The following PELI3 variants were observed in gnomAD, a reference collection of about 807,000 sequenced individuals.
The protein encoded by PELI3 is E3 ubiquitin-protein ligase pellino homolog 3.
A neutral mutation model predicts 35.5 loss-of-function variants in PELI3; 19 were observed. The observed-to-expected ratio is 0.54, with a 90% CI of 0.37 to 0.79. PELI3 has a LOEUF of 0.79. Ranked by LOEUF, PELI3 falls within the 30% of genes least tolerant of loss-of-function variation. The pLI is 0.00. For missense variants in PELI3, 490 were observed against 661.2 expected (o/e 0.74, Z 2.84); for synonymous variants, 262 against 279.2 (o/e 0.94, Z 0.62).
intron 7 of PELI3, chr11:66,474,512 C>G (rs1428906640): frequency 5.4e-6 from 1 of 184,236 alleles, no homozygotes; most frequent in Non-Finnish European, 1.1e-5. Context: ...ACTGGCCATG[C>G]ACTGCTCTTC....
rs1019550153 is a variant in PELI3 at position 66,467,715 on chromosome 11, A to G, written c.-1-413A>G. 1.3e-5 allele frequency among the ~76,000 whole-genome samples: 2 copies of G among 152,202 alleles called. No homozygotes were observed. Among genetic ancestry groups the G allele is most frequent in the Admixed American group, 6.5e-5 (1 of 15,294 alleles). On this transcript the variant is annotated intron_variant, in intron 1 of 7. Transcript: ENST00000320740. The surrounding 1 kb of genome is among the most constrained non-coding windows in gnomAD (Gnocchi z 4.2). Reference sequence around the variant, plus strand: ...GCAAGAAAGATTCAGATGGACAGGTAGATTCAAAGAACCTGTCAGAGAGGC... The same window carrying G: ...GCAAGAAAGATTCAGATGGACAGGTGGATTCAAAGAACCTGTCAGAGAGGC...
In PELI3 at chr11:66,476,476, G is replaced by T; in HGVS notation, c.*309G>T. The T allele has an allele frequency of 2.4e-6, 1 of 415,516 alleles. No individual in the cohort carries two copies. The highest frequency in any genetic ancestry group is 4.4e-6 in the Non-Finnish European group (1 of 229,642). 25.7% of individuals were successfully genotyped at this position (415,516 alleles called of 1,614,324 possible). A position where few individuals can be genotyped will look rare whatever the true frequency, so the allele number is the denominator to read the frequency against. ...TGCCGCCGACACTGTGTGCCCCTGG[G>T]GGAGTGAAGGGGCCAGGGGCCTTTG... is the stretch of plus-strand genomic sequence containing the variant. On this transcript the variant is annotated 3_prime_UTR_variant, in exon 8 of 8. Transcript: ENST00000320740.
Position 66,467,200 on chromosome 11 carries a change from C to T in PELI3, c.-2+173C>T, listed in dbSNP as rs1854562677. On this transcript the variant is annotated intron_variant, in intron 1 of 7. Coordinates refer to ENST00000320740, the MANE Select transcript of PELI3 (RefSeq NM_145065.3). This position sits in a 1 kb window ranked among gnomAD's most constrained non-coding sequence, Gnocchi z 4.2. ...TCGCGGGTGCGGGTGGTCTCTGCGC[C>T]GTCCGGGCCCGGGGCGTGCGGGGCC... 6.7e-6 allele frequency among the ~76,000 whole-genome samples: 1 copy of T among 150,190 alleles called. No individual in the cohort carries two copies. The highest frequency in any genetic ancestry group is 2.4e-5 in the African/African-American group (1 of 41,120).
intron 5 of PELI3, 124 bp downstream of exon 5, chr11:66,472,594 A>G: frequency 1.3e-6 from 1 of 748,354 alleles, no homozygotes; most frequent in South Asian, 1.7e-5. Context: ...AGGAAGCAGG[A>G]TGTCCCGGTG....
Position 66,474,144 on chromosome 11 carries a change from C to G in PELI3, c.840+219C>G, listed in dbSNP as rs1854821700. On this transcript the variant is annotated intron_variant, in intron 7 of 7. Coordinates refer to ENST00000320740, the MANE Select transcript of PELI3 (RefSeq NM_145065.3). ...GGGTCCCCAAGCATAGCATGCATAC[C>G]ACTGGAGGTCCAGGGGGTGATGCGA... The G allele has an allele frequency of 5.7e-6, 4 of 701,004 alleles. No homozygotes were observed. The Admixed American group carries it at 6.8e-5, about 12-fold the overall frequency. The allele number at this position is 701,004 out of a possible 1,614,324, so 43.4% of individuals were successfully genotyped here.
intron 3 of PELI3, among the ~76,000 whole-genome samples, chr11:66,469,882 C>T (rs1041003618): frequency 6.7e-6 from 1 of 148,868 alleles, no homozygotes; most frequent in African/African-American, 2.5e-5. Context: ...TCACTGCAAC[C>T]TCCACCTCCT....
At chr11:66,475,422 G>T (rs1227352641) in intron 7 of PELI3, 176 bp from the exon 8 acceptor site, 5 of 605,858 alleles carry the variant, frequency 8.3e-6, no homozygotes, top group Admixed American at 3.3e-5. Flanking sequence ...TGGGAGGGGG[G>T]ATCAGCATGT....
intron 3 of PELI3, among the ~76,000 whole-genome samples, chr11:66,469,791 G>GTTTGTTTT (rs1854651787): frequency 8.0e-6 from 1 of 124,610 alleles, no homozygotes; most frequent in African/African-American, 3.1e-5. Flanking sequence ...CAGGGAATCT[G>GTTTGTTTT]TTTTTTTTTT....
chr11:66,472,541 C>A (rs7105268), intron 5 of PELI3, 71 bp downstream of exon 5: 1 of 1,358,162 alleles, frequency 7.4e-7, no homozygotes, highest in Admixed American at 1.7e-5. Flanking sequence ...TCAGGTGAGG[C>A]TACGGGTTGG....
At chr11:66,472,720 G>A (rs3892818) in intron 5 of PELI3, among the ~76,000 whole-genome samples, 41,127 of 152,048 alleles carry the variant, frequency 0.27, 5,996 homozygotes, top group African/African-American at 0.34. Flanking sequence ...GAGAGGCCTA[G>A]TGCCTGGGTT....
chr11:66,469,927 G>A (rs1362430051), intron 3 of PELI3, among the ~76,000 whole-genome samples: 2 of 151,406 alleles, frequency 1.3e-5, no homozygotes, highest in African/African-American at 4.9e-5. Flanking sequence ...AGCCTCCTGA[G>A]TAGCTGGGAT....
chr11:66,475,536 G>A, intron 7 of PELI3, 62 bp from the exon 8 acceptor site: 1 of 1,567,126 alleles, frequency 6.4e-7, no homozygotes, highest in South Asian at 1.1e-5. Context: ...GGCTCTGTGG[G>A]ATGGACCCGC....
Position 66,467,985 on chromosome 11 carries a change from A to G in PELI3, c.-1-143A>G. ...ACCTCGGGCAGTTTAGAGGAGGCAG[A>G]GGGGAAGTGGTTGCCATAGCAGTAG... On this transcript the variant is annotated intron_variant, in intron 1 of 7. Coordinates refer to ENST00000320740, the MANE Select transcript of PELI3 (RefSeq NM_145065.3). The surrounding 1 kb of genome is among the most constrained non-coding windows in gnomAD (Gnocchi z 4.2). 9.8e-7 allele frequency: 1 copy of G among 1,020,914 alleles called. No homozygotes were observed. Among genetic ancestry groups the G allele is most frequent in the Non-Finnish European group, 1.3e-6 (1 of 742,228 alleles). The allele number at this position is 1,020,914 out of a possible 1,614,324, so 63.2% of individuals were successfully genotyped here.
At position 66,467,403 on chromosome 11, in the gene PELI3, C is replaced by T. The variant is rs971211356; in HGVS notation, c.-2+376C>T. 1.2e-4 allele frequency: 19 copies of T among 152,006 alleles called. No individual in the cohort carries two copies. Among genetic ancestry groups the T allele is most frequent in the African/African-American group, 4.6e-4 (19 of 41,394 alleles). The allele number at this position is 152,006 out of a possible 1,614,324, so 9.4% of individuals were successfully genotyped here. Reference sequence around the variant, plus strand: ...TGCGGGAGACGGCTGTGCTGCAGCCCGAGCTCGAGGGGGGAGCGCCGCCTC... The same window carrying T: ...TGCGGGAGACGGCTGTGCTGCAGCCTGAGCTCGAGGGGGGAGCGCCGCCTC... On this transcript the variant is annotated intron_variant, in intron 1 of 7. Transcript: ENST00000320740. The surrounding 1 kb of genome is among the most constrained non-coding windows in gnomAD (Gnocchi z 4.2).
chr11:66,473,187 C>A lies in PELI3; in HGVS notation c.457-54C>A. 1 of 1,503,864 alleles carries A rather than the reference C, an allele frequency of 6.6e-7. No homozygotes were observed. Among genetic ancestry groups the A allele is most frequent in the Non-Finnish European group, 9.0e-7 (1 of 1,110,806 alleles). 93.2% of individuals were successfully genotyped at this position (1,503,864 alleles called of 1,614,324 possible). The stretch of plus-strand genomic sequence containing the variant: ...TGCTGGTACTCTGGGAGGGAAGGCC[C>A]ATGAGAGTCCCCTATGTACATACAG... On this transcript the variant is annotated intron_variant, in intron 5 of 7. Transcript: ENST00000320740. This position sits in a 1 kb window ranked among gnomAD's most constrained non-coding sequence, Gnocchi z 5.8.
Position 66,473,175 on chromosome 11 carries a change from G to C in PELI3, c.457-66G>C. ...ATACAGAGCAGCTGCTGGTACTCTG[G>C]GAGGGAAGGCCCATGAGAGTCCCCT... is the stretch of plus-strand genomic sequence containing the variant. On this transcript the variant is annotated intron_variant, in intron 5 of 7. Coordinates refer to ENST00000320740, the MANE Select transcript of PELI3 (RefSeq NM_145065.3). The surrounding 1 kb of genome is among the most constrained non-coding windows in gnomAD (Gnocchi z 5.8). The C allele has an allele frequency of 6.9e-7, 1 of 1,444,210 alleles. No homozygotes were observed. The highest frequency in any genetic ancestry group is 1.4e-5 in the African/African-American group (1 of 70,566). 89.5% of individuals were successfully genotyped at this position (1,444,210 alleles called of 1,614,324 possible). A position where few individuals can be genotyped will look rare whatever the true frequency, so the allele number is the denominator to read the frequency against.
chr11:66,471,413 C>CT, intron 4 of PELI3, 42 bp downstream of exon 4: 1 of 1,603,928 alleles, frequency 6.2e-7, no homozygotes, highest in South Asian at 1.1e-5. Flanking sequence ...GCCCTCCCTG[C>CT]CCAAGGCCCA....
chr11:66,476,202 C>T lies in PELI3; in HGVS notation c.*35C>T. 1 of 1,513,528 alleles carries T rather than the reference C, an allele frequency of 6.6e-7. No homozygotes were observed. The highest frequency in any genetic ancestry group is 1.2e-5 in the South Asian group (1 of 82,560). 93.8% of individuals were successfully genotyped at this position (1,513,528 alleles called of 1,614,324 possible). Reference sequence around the variant, plus strand: ...GGCCCCCTGCTGCTGTGCCCACCTGCCCACCCAGGTCCCCACCTCCTGCAG... The same window carrying T: ...GGCCCCCTGCTGCTGTGCCCACCTGTCCACCCAGGTCCCCACCTCCTGCAG... On this transcript the variant is annotated 3_prime_UTR_variant, in exon 8 of 8. Transcript: ENST00000320740.
At position 66,473,778 on chromosome 11, in the gene PELI3, T is replaced by C. The variant is rs1380374738; in HGVS notation, c.693T>C (p.Asp231=). The change falls in exon 7 of 8, where the codon GAT becomes GAC. Residue 231 remains aspartate, a synonymous_variant. Transcript: ENST00000320740. This position sits in a 1 kb window ranked among gnomAD's most constrained non-coding sequence, Gnocchi z 5.8. ...AKWRTPDGLM[D]GLTTNGVLVM... ...GGCGGACCCCAGATGGCCTGATGGA[T>C]GGACTGACCACCAATGGAGTCCTGG... The C allele has an allele frequency of 1.9e-6, 3 of 1,613,938 alleles. No individual in the cohort carries two copies. Among genetic ancestry groups the C allele is most frequent in the African/African-American group, 1.3e-5 (1 of 75,032 alleles).
Sources: gnomAD v4.1 joint callset for allele counts (sites outside exome capture counted in the v4.1 genomes callset) on GRCh38, gnomAD v4.1.1 for gene constraint, Gnocchi (gnomAD v3.1) non-coding constraint, MANE v1.5 for transcripts, NCBI Gene and HGNC (gene_info 2026-07-23, HGNC 2026-07-21) for gene names.